APOLD1: variants seen among roughly 807,000 people sequenced by gnomAD.
APOLD1 encodes apolipoprotein L domain-containing protein 1.
A neutral mutation model predicts 15.3 loss-of-function variants in APOLD1; 22 were observed. The observed-to-expected ratio is 1.44, with a 90% CI of 1.03 to 2.05. The LOEUF is 2.05. Among genes scored for constraint, APOLD1 ranks in the 30% most tolerant of loss-of-function variants. The probability of loss-of-function intolerance (pLI) is 0.00; values close to 1 mark genes in which losing one functional copy is unlikely to be tolerated. For synonymous variants in APOLD1, 190 were observed against 167.4 expected (o/e 1.13, Z -1.04); for missense variants, 394 against 353.5 (o/e 1.11, Z -0.92).
intron 1 of APOLD1, among the ~76,000 whole-genome samples, chr12:12,753,337 G>T (rs1462762891): frequency 6.6e-6 from 1 of 152,140 alleles, no homozygotes; most frequent in Non-Finnish European, 1.5e-5. Context: ...GAATAAATTA[G>T]ATATTGTGGA....
chr12:12,742,823 G>A (rs1203819817), intron 1 of APOLD1, among the ~76,000 whole-genome samples: 2 of 151,902 alleles, frequency 1.3e-5, no homozygotes, highest in Non-Finnish European at 2.9e-5. Context: ...GGAGTGCAGT[G>A]GCATGATCTC....
intron 1 of APOLD1, among the ~76,000 whole-genome samples, chr12:12,735,775 C>CAGTA (rs150464300): frequency 1.3e-5 from 2 of 150,448 alleles, no homozygotes; most frequent in African/African-American, 2.4e-5. Context: ...CTCATTTCTA[C>CAGTA]AATAAATAAA....
chr12:12,747,058 C>G (rs1320454963), intron 1 of APOLD1, among the ~76,000 whole-genome samples: 1 of 152,114 alleles, frequency 6.6e-6, no homozygotes, highest in Non-Finnish European at 1.5e-5. Context: ...AATCATGGAA[C>G]CAGGTAGCGA....
chr12:12,759,256 G>GT (rs547772868), intron 1 of APOLD1, among the ~76,000 whole-genome samples: 12 of 152,122 alleles, frequency 7.9e-5, no homozygotes, highest in Non-Finnish European at 1.3e-4. Flanking sequence ...TGCTATAGTT[G>GT]TTTTTTTTAA....
chr12:12,776,033 A>AC (rs1285073793), intron 1 of APOLD1, among the ~76,000 whole-genome samples: 2 of 150,636 alleles, frequency 1.3e-5, no homozygotes, highest in African/African-American at 2.4e-5. Context: ...AAAACACAAC[A>AC]AACAAACAAA....
At chr12:12,751,257 C>T (rs1275589920) in intron 1 of APOLD1, among the ~76,000 whole-genome samples, 2 of 152,194 alleles carry the variant, frequency 1.3e-5, no homozygotes, top group Admixed American at 1.3e-4. Context: ...AAGATGCTGT[C>T]TGGAGGATGT....
intron 1 of APOLD1, among the ~76,000 whole-genome samples, chr12:12,753,615 TGAGCTGTG>T (rs1156266772): frequency 1.3e-5 from 2 of 151,834 alleles, no homozygotes; most frequent in Non-Finnish European, 2.9e-5. Flanking sequence ...GTGGTAGCAG[TGAGCTGTG>T]GATCACACCA....
At chr12:12,728,573 T>C (rs1946612000) in intron 1 of APOLD1, among the ~76,000 whole-genome samples, 1 of 136,054 alleles carries the variant, frequency 7.4e-6, no homozygotes, top group Non-Finnish European at 1.5e-5. Flanking sequence ...GAAGCTGAGG[T>C]GGGAGGATTG....
chr12:12,754,694 G>A (rs1221354272), intron 1 of APOLD1, among the ~76,000 whole-genome samples: 1 of 151,972 alleles, frequency 6.6e-6, no homozygotes, highest in Non-Finnish European at 1.5e-5. Context: ...GCACCCCAAA[G>A]TGCTGGGATT....
chr12:12,743,367 TA>T (rs562123316), intron 1 of APOLD1, among the ~76,000 whole-genome samples: 48 of 146,584 alleles, frequency 3.3e-4, no homozygotes, highest in East Asian at 9.9e-4. Context: ...ACCCCATCTT[TA>T]AAAAAAAAAA....
At chr12:12,782,586 G>A (rs1212175213), upstream of APOLD1, among the ~76,000 whole-genome samples, 1 of 152,172 alleles carries the variant, frequency 6.6e-6, no homozygotes, top group East Asian at 1.9e-4. Context: ...AGGATTGCTT[G>A]ATCTCAGGAG....
intron 1 of APOLD1, among the ~76,000 whole-genome samples, chr12:12,753,529 C>G (rs1282446131): frequency 6.6e-6 from 1 of 151,774 alleles, no homozygotes; most frequent in African/African-American, 2.4e-5. Context: ...TTTAGCCAGG[C>G]ATGGTGGTGT....
chr12:12,745,178 C>T (rs907436959), intron 1 of APOLD1, among the ~76,000 whole-genome samples: 1 of 152,122 alleles, frequency 6.6e-6, no homozygotes, highest in African/African-American at 2.4e-5. Context: ...AATTAAAAGG[C>T]AGAGAGAAGA....
intron 1 of APOLD1, among the ~76,000 whole-genome samples, chr12:12,746,349 A>G (rs573211945): frequency 6.6e-6 from 1 of 152,238 alleles, no homozygotes; most frequent in African/African-American, 2.4e-5. Flanking sequence ...TACAAACATT[A>G]GCTGCGTGTG....
At chr12:12,745,480 A>G (rs868596266) in intron 1 of APOLD1, among the ~76,000 whole-genome samples, 1 of 152,084 alleles carries the variant, frequency 6.6e-6, no homozygotes, top group Non-Finnish European at 1.5e-5. Context: ...CGGTGGGCCA[A>G]TATCGTGCCA....
intron 1 of APOLD1, among the ~76,000 whole-genome samples, chr12:12,745,530 A>C (rs1235944469): frequency 6.6e-6 from 1 of 152,144 alleles, no homozygotes; most frequent in African/African-American, 2.4e-5. Flanking sequence ...ACTGTCTCAG[A>C]AAAGAAAAGA....
chr12:12,738,605 T>C (rs1946708397), intron 1 of APOLD1, among the ~76,000 whole-genome samples: 1 of 152,214 alleles, frequency 6.6e-6, no homozygotes, highest in Non-Finnish European at 1.5e-5. Context: ...CTGGGTATAC[T>C]GTTGATATTT....
chr12:12,776,025 A>AAAAAC (rs1339588398), intron 1 of APOLD1, among the ~76,000 whole-genome samples: 2 of 146,332 alleles, frequency 1.4e-5, no homozygotes, highest in Non-Finnish European at 3.0e-5. Flanking sequence ...AAAAAAAAAA[A>AAAAAC]ACACAACAAA....
intron 1 of APOLD1, among the ~76,000 whole-genome samples, chr12:12,756,561 A>G (rs942649926): frequency 3.9e-5 from 6 of 152,146 alleles, no homozygotes; most frequent in African/African-American, 1.4e-4. Context: ...TACTGTTTTA[A>G]CCACTTTTAA....
Sources: allele counts gnomAD v4.1 joint callset (sites outside exome capture counted in the v4.1 genomes callset), GRCh38; gene constraint gnomAD v4.1.1; transcripts MANE v1.5; gene names NCBI Gene and HGNC (gene_info 2026-07-23, HGNC 2026-07-21).